BORCS5: variants seen among roughly 807,000 people sequenced by gnomAD.
The protein encoded by BORCS5 is BLOC-1-related complex subunit 5.
A neutral mutation model predicts 22.1 loss-of-function variants in BORCS5; 17 were observed. The ratio of observed to expected loss-of-function variants is 0.77; its 90% CI spans 0.53 to 1.15. The LOEUF (loss-of-function observed/expected upper bound fraction) is 1.15. Ranked by LOEUF, BORCS5 falls within the 50% of genes most tolerant of loss-of-function variation. The probability of loss-of-function intolerance (pLI) is 0.00; values close to 1 mark genes in which losing one functional copy is unlikely to be tolerated. For synonymous variants in BORCS5, 117 were observed against 99.8 expected (o/e 1.17, Z -1.03); for missense variants, 247 against 253.2 (o/e 0.98, Z 0.17).
intron 3 of BORCS5, among the ~76,000 whole-genome samples, chr12:12,447,582 T>C (rs1942815156): frequency 6.6e-6 from 1 of 152,226 alleles, no homozygotes; most frequent in South Asian, 2.1e-4. Flanking sequence ...ATTAGACCAA[T>C]ATCATCATTG....
chr12:12,370,879 G>T (rs1025417347), intron 2 of BORCS5, among the ~76,000 whole-genome samples: 1 of 151,892 alleles, frequency 6.6e-6, no homozygotes, highest in East Asian at 1.9e-4. Context: ...CTGCCGAGTA[G>T]CTGGGACTAC....
At chr12:12,417,367 A>G (rs1482451844) in intron 2 of BORCS5, among the ~76,000 whole-genome samples, 2 of 152,114 alleles carry the variant, frequency 1.3e-5, no homozygotes, top group Admixed American at 6.5e-5. Context: ...TTGAGACTTA[A>G]TCTGTGACCT....
At chr12:12,426,698 A>C (rs1942296240) in intron 2 of BORCS5, among the ~76,000 whole-genome samples, 1 of 152,248 alleles carries the variant, frequency 6.6e-6, no homozygotes, top group Non-Finnish European at 1.5e-5. Flanking sequence ...GTGCTAGGCA[A>C]ACCCTAGAAG....
chr12:12,412,351 A>G (rs1392135416), intron 2 of BORCS5, among the ~76,000 whole-genome samples: 1 of 151,882 alleles, frequency 6.6e-6, no homozygotes, highest in African/African-American at 2.4e-5. Context: ...GGTTAAGTTT[A>G]TTCCTAAGTG....
intron 2 of BORCS5, among the ~76,000 whole-genome samples, chr12:12,411,004 C>T (rs1941718768): frequency 6.6e-6 from 1 of 152,124 alleles, no homozygotes; most frequent in Non-Finnish European, 1.5e-5. Context: ...AATGGGAGTT[C>T]ATTCATGATT....
chr12:12,357,210 C>G lies in BORCS5; in HGVS notation c.-242C>G. ...TTAGGGCTCCCGGAAAGAAGGAGGG[C>G]TAGCCGCGTGCGTTCGCGCCGCGCC... On this transcript the variant is annotated 5_prime_UTR_variant, in exon 1 of 4. Coordinates refer to ENST00000314565, the MANE Select transcript of BORCS5 (RefSeq NM_058169.6). 1 of 1,490,090 alleles carries G rather than the reference C, an allele frequency of 6.7e-7. No individual in the cohort carries two copies. The highest frequency in any genetic ancestry group is 8.9e-7 in the Non-Finnish European group (1 of 1,123,854). 92.3% of individuals were successfully genotyped at this position (1,490,090 alleles called of 1,614,324 possible). A position where few individuals can be genotyped will look rare whatever the true frequency, so the allele number is the denominator to read the frequency against.
At chr12:12,438,144 A>G (rs910472032) in intron 3 of BORCS5, among the ~76,000 whole-genome samples, 1 of 151,954 alleles carries the variant, frequency 6.6e-6, no homozygotes, top group South Asian at 2.1e-4. Flanking sequence ...TCTTTTTAAA[A>G]AGTCCTTTAA....
intron 2 of BORCS5, among the ~76,000 whole-genome samples, chr12:12,432,891 G>A (rs1207457713): frequency 6.6e-6 from 1 of 152,198 alleles, no homozygotes; most frequent in East Asian, 1.9e-4. Flanking sequence ...AGGGGGATGA[G>A]AGAAAGAGTG....
intron 2 of BORCS5, among the ~76,000 whole-genome samples, chr12:12,420,719 G>A (rs894298847): frequency 2.0e-5 from 3 of 151,734 alleles, no homozygotes; most frequent in African/African-American, 4.8e-5. Flanking sequence ...CTTTTATCTC[G>A]TTATTTCATC....
chr12:12,365,863 A>G (rs981481367), intron 2 of BORCS5, among the ~76,000 whole-genome samples: 1 of 152,236 alleles, frequency 6.6e-6, no homozygotes, highest in Non-Finnish European at 1.5e-5. Context: ...TTAAGATTGC[A>G]TCAGGACATA....
intron 2 of BORCS5, among the ~76,000 whole-genome samples, chr12:12,428,036 A>G (rs968975368): frequency 1.3e-5 from 2 of 152,214 alleles, no homozygotes; most frequent in African/African-American, 4.8e-5. Flanking sequence ...TTATACCTTC[A>G]CAGTAACTTT....
intron 2 of BORCS5, among the ~76,000 whole-genome samples, chr12:12,417,544 T>A (rs1461599045): frequency 6.6e-6 from 1 of 152,186 alleles, no homozygotes; most frequent in Non-Finnish European, 1.5e-5. Flanking sequence ...GTCATTATTG[T>A]GAGTGGGATA....
intron 3 of BORCS5, 166 bp downstream of exon 3, chr12:12,435,951 T>C (rs1210260860): frequency 3.2e-6 from 2 of 626,260 alleles, no homozygotes; most frequent in Non-Finnish European, 5.2e-6. Flanking sequence ...GCTGGGCTAA[T>C]TTAGAGTTTG....
At chr12:12,426,985 A>G (rs1409294857) in intron 2 of BORCS5, among the ~76,000 whole-genome samples, 1 of 152,118 alleles carries the variant, frequency 6.6e-6, no homozygotes, top group African/African-American at 2.4e-5. Context: ...AACCAGAGCA[A>G]TGATGACTGC....
intron 2 of BORCS5, among the ~76,000 whole-genome samples, chr12:12,424,158 G>C (rs1942219333): frequency 6.6e-6 from 1 of 151,866 alleles, no homozygotes; most frequent in African/African-American, 2.4e-5. Flanking sequence ...TTTTCCTTTT[G>C]GGACTCCCAC....
At chr12:12,429,478 T>C (rs760701319) in intron 2 of BORCS5, among the ~76,000 whole-genome samples, 4 of 152,170 alleles carry the variant, frequency 2.6e-5, no homozygotes, top group Non-Finnish European at 5.9e-5. Context: ...TGGAGATTCC[T>C]ATGAGTCAAG....
intron 3 of BORCS5, among the ~76,000 whole-genome samples, chr12:12,446,215 T>TA (rs11398603): frequency 0.28 from 42,633 of 150,176 alleles, 6,562 homozygotes; most frequent in Admixed American, 0.34. Context: ...ATAAACACGG[T>TA]AAAAAAATAA....
At chr12:12,399,628 A>G (rs529796688) in intron 2 of BORCS5, among the ~76,000 whole-genome samples, 3 of 152,348 alleles carry the variant, frequency 2.0e-5, no homozygotes, top group African/African-American at 7.2e-5. Context: ...AGTACCACAG[A>G]TCTAGAACTT....
intron 2 of BORCS5, among the ~76,000 whole-genome samples, chr12:12,419,907 G>T (rs570617065): frequency 1.3e-5 from 2 of 152,116 alleles, no homozygotes; most frequent in South Asian, 4.1e-4. Context: ...TTTTTTTCTT[G>T]TAAATTTGTT....
Sources: gnomAD v4.1 joint callset for allele counts (sites outside exome capture counted in the v4.1 genomes callset) on GRCh38, gnomAD v4.1.1 for gene constraint, MANE v1.5 for transcripts, NCBI Gene and HGNC (gene_info 2026-07-23, HGNC 2026-07-21) for gene names.